Variants in ATP6V0E1 observed in about 807,000 individuals in gnomAD.
ATP6V0E1 encodes V-type proton ATPase subunit e 1.
ATP6V0E1 carries 4 observed loss-of-function variants against 11.6 expected under a neutral mutation model. The ratio of observed to expected loss-of-function variants is 0.35; its 90% CI spans 0.17 to 0.79. The LOEUF is 0.79. ATP6V0E1 is among the 30% of genes least tolerant of loss of function. The pLI is 0.54. For missense variants in ATP6V0E1, 105 were observed against 100.0 expected, an observed-to-expected ratio of 1.05 and a Z score of -0.21; for synonymous variants, 36 against 34.8, an observed-to-expected ratio of 1.04 and a Z score of -0.13.
At chr5:173,031,929 A>G (rs907950292) in intron 3 of ATP6V0E1, among the ~76,000 whole-genome samples, 2 of 151,898 alleles carry the variant, frequency 1.3e-5, no homozygotes, top group African/African-American at 4.8e-5. Flanking sequence ...CAGATTGCTC[A>G]AGCCCAGAAT....
chr5:173,005,447 C>G (rs1019928020), intron 2 of ATP6V0E1, among the ~76,000 whole-genome samples: 2 of 152,182 alleles, frequency 1.3e-5, no homozygotes, highest in Non-Finnish European at 2.9e-5. Flanking sequence ...CTCCTGGGCT[C>G]AAACGATCTG....
At position 172,997,243 on chromosome 5, in the gene ATP6V0E1, C is replaced by T. The variant is rs555314129; in HGVS notation, c.152+2421C>T. On this transcript the variant is annotated intron_variant, in intron 2 of 3. Coordinates refer to ENST00000519374, the MANE Select transcript of ATP6V0E1 (RefSeq NM_003945.4). ...GTAGTCATGACTCTCAAAGAAGAAACAATTTGGGTTTTTCCTGCCTTCAAA... is the reference window on the plus strand; with the variant it reads ...GTAGTCATGACTCTCAAAGAAGAAATAATTTGGGTTTTTCCTGCCTTCAAA... Among the ~76,000 whole-genome samples the T allele has an allele frequency of 2.6e-5, 4 of 152,264 alleles. No individual in the cohort carries two copies. In the South Asian group the frequency reaches 8.3e-4, roughly 32 times the overall value.
chr5:173,021,929 G>A (rs1275833375), intron 3 of ATP6V0E1, among the ~76,000 whole-genome samples: 1 of 152,200 alleles, frequency 6.6e-6, no homozygotes, highest in Non-Finnish European at 1.5e-5. Flanking sequence ...CAGCTACTCG[G>A]GAGGCTGAGG....
In ATP6V0E1 at chr5:172,988,733, G is replaced by A. The variant is rs188445318; in HGVS notation, c.104+4769G>A. ...TGAGACAGTCTTCCTCTGTTGCCCA[G>A]TCTGGAGTGTGGTGGCACAATCTCG... On this transcript the variant is annotated intron_variant, in intron 1 of 3. Coordinates refer to ENST00000519374, the MANE Select transcript of ATP6V0E1 (RefSeq NM_003945.4). 9.3e-4 allele frequency among the ~76,000 whole-genome samples: 142 copies of A among 152,254 alleles called. 1 individual carries two copies. In the East Asian group the frequency reaches 0.012, roughly 13 times the overall value.
chr5:172,994,757 A>ATTTT lies in ATP6V0E1; in HGVS notation c.105-6_105-3dup. 2.1e-6 allele frequency: 3 copies of ATTTT among 1,397,846 alleles called. No individual in the cohort carries two copies. The highest frequency in any genetic ancestry group is 1.9e-6 in the Non-Finnish European group (2 of 1,032,320). 86.6% of individuals were successfully genotyped at this position (1,397,846 alleles called of 1,614,324 possible). A position where few individuals can be genotyped will look rare whatever the true frequency, so the allele number is the denominator to read the frequency against. ...TTGCTAGTTATTTAATGACATTTGCATTTTTTTTTTTTTTTAGAGTTATCA... is the reference window on the plus strand; with the variant it reads ...TTGCTAGTTATTTAATGACATTTGCATTTTTTTTTTTTTTTTTTTAGAGTTATCA... On this transcript the variant is annotated splice_polypyrimidine_tract_variant and intron_variant, in intron 1 of 3. Transcript: ENST00000519374.
chr5:173,021,897 CAGT>C, intron 3 of ATP6V0E1, among the ~76,000 whole-genome samples: 1 of 152,202 alleles, frequency 6.6e-6, no homozygotes, highest in Non-Finnish European at 1.5e-5. Context: ...TAGCTGGGCA[CAGT>C]GGTGGGCGCA....
chr5:173,021,738 A>G (rs768153464), intron 3 of ATP6V0E1, among the ~76,000 whole-genome samples: 8 of 152,158 alleles, frequency 5.3e-5, no homozygotes, highest in Non-Finnish European at 1.0e-4. Context: ...AATCCAAGCC[A>G]TATCAGTGCC....
At chr5:172,985,393 A>T (rs927599440) in intron 1 of ATP6V0E1, among the ~76,000 whole-genome samples, 1 of 152,004 alleles carries the variant, frequency 6.6e-6, no homozygotes, top group African/African-American at 2.4e-5. Context: ...AATTTTTATC[A>T]TTTTTAAGTA....
intron 3 of ATP6V0E1, among the ~76,000 whole-genome samples, chr5:173,027,265 A>G: frequency 6.9e-6 from 1 of 145,724 alleles, no homozygotes; most frequent in African/African-American, 2.5e-5. Context: ...AGGCGGGTGG[A>G]TCACGAGATC....
chr5:173,030,151 A>G (rs1269686529), intron 3 of ATP6V0E1, among the ~76,000 whole-genome samples: 1 of 152,076 alleles, frequency 6.6e-6, no homozygotes, highest in African/African-American at 2.4e-5. Context: ...TTTCAAAGTG[A>G]TTTCTTTTCT....
chr5:173,030,031 T>C lies in ATP6V0E1; in HGVS notation c.*37-4368T>C, dbSNP rs530036486. Among the ~76,000 whole-genome samples, 3 of 152,340 alleles carry C rather than the reference T, an allele frequency of 2.0e-5. No individual in the cohort carries two copies. The South Asian group carries it at 6.2e-4, about 32-fold the overall frequency. On this transcript the variant is annotated intron_variant, in intron 3 of 3. Transcript: ENST00000519374. ...AGTAAATACACTCTCCCGTGAAAAT[T>C]CCTTCTGCTTTCTTGCCTCAGTTCA...
chr5:173,017,041 A>T (rs1756410979), intron 2 of ATP6V0E1, among the ~76,000 whole-genome samples: 1 of 152,168 alleles, frequency 6.6e-6, no homozygotes, highest in African/African-American at 2.4e-5. Flanking sequence ...ATTCTCCAGC[A>T]ATCTCTCCAT....
At chr5:173,025,651 C>T (rs772210185) in intron 3 of ATP6V0E1, among the ~76,000 whole-genome samples, 3 of 150,910 alleles carry the variant, frequency 2.0e-5, no homozygotes, top group African/African-American at 7.3e-5. Context: ...CGTGACACCA[C>T]GCCTGGCTAA....
chr5:173,021,061 A>G (rs1408124142), intron 3 of ATP6V0E1: 2 of 386,132 alleles, frequency 5.2e-6, no homozygotes, highest in African/African-American at 4.2e-5. Flanking sequence ...GGCTGTATAA[A>G]CATGACACCC....
At chr5:173,006,715 C>T (rs960830056) in intron 2 of ATP6V0E1, among the ~76,000 whole-genome samples, 3 of 152,186 alleles carry the variant, frequency 2.0e-5, no homozygotes, top group Admixed American at 1.3e-4. Context: ...AGCTCAAGTC[C>T]GTGTTGTTTG....
At chr5:172,994,990 T>C (rs1306056260) in intron 2 of ATP6V0E1, among the ~76,000 whole-genome samples, 168 bp downstream of exon 2, 1 of 152,232 alleles carries the variant, frequency 6.6e-6, no homozygotes, top group Non-Finnish European at 1.5e-5. Flanking sequence ...GTTGTACAGA[T>C]ACTCTATCCT....
rs540264785 is a variant in ATP6V0E1 at position 173,012,526 on chromosome 5, G to A, written c.153-7712G>A. 2.2e-4 allele frequency among the ~76,000 whole-genome samples: 33 copies of A among 152,092 alleles called. No individual in the cohort carries two copies. The South Asian group carries it at 5.6e-3, about 26-fold the overall frequency. The stretch of plus-strand genomic sequence containing the variant: ...CCAGCACTTTGGGAGGCCAAGGCGG[G>A]CAGATCACCTGAGGTCGGGATTTTG... On this transcript the variant is annotated intron_variant, in intron 2 of 3. Transcript: ENST00000519374.
chr5:172,992,289 G>A (rs1361620218), intron 1 of ATP6V0E1, among the ~76,000 whole-genome samples: 1 of 152,182 alleles, frequency 6.6e-6, no homozygotes, highest in African/African-American at 2.4e-5. Context: ...TTGACCTCGT[G>A]ATCTGCCCGC....
At position 173,034,498 on chromosome 5, in the gene ATP6V0E1, C is replaced by T. The variant is rs955921095; in HGVS notation, c.*136C>T. On this transcript the variant is annotated 3_prime_UTR_variant, in exon 4 of 4. Coordinates refer to ENST00000519374, the MANE Select transcript of ATP6V0E1 (RefSeq NM_003945.4). ...GGCCATTAGCTGCCTTAAACGTTAA[C>T]AGCACATTTGAATGCCTTATTCTAC... 4 of 700,658 alleles carry T rather than the reference C, an allele frequency of 5.7e-6. No individual in the cohort carries two copies. In the African/African-American group the frequency reaches 7.0e-5, roughly 12 times the overall value. 43.4% of individuals were successfully genotyped at this position (700,658 alleles called of 1,614,324 possible). A position where few individuals can be genotyped will look rare whatever the true frequency, so the allele number is the denominator to read the frequency against.
Sources: allele counts gnomAD v4.1 joint callset (sites outside exome capture counted in the v4.1 genomes callset), GRCh38; gene constraint gnomAD v4.1.1; transcripts MANE v1.5; gene names NCBI Gene and HGNC (gene_info 2026-07-23, HGNC 2026-07-21).